The following R3HDM4 variants were observed in gnomAD, a reference collection of about 807,000 sequenced individuals.
R3HDM4 encodes R3H domain containing 4.
Under a neutral mutation model 31.3 loss-of-function variants are expected in R3HDM4, and 30 were observed. The observed-to-expected ratio is 0.96, with a 90% CI of 0.72 to 1.30. The LOEUF (loss-of-function observed/expected upper bound fraction) is 1.30. Among genes scored for constraint, R3HDM4 ranks in the 50% most tolerant of loss-of-function variants. The probability of loss-of-function intolerance (pLI) is 0.00; values close to 1 mark genes in which losing one functional copy is unlikely to be tolerated. For missense variants in R3HDM4, 444 were observed against 366.1 expected (o/e 1.21, Z -1.74); for synonymous variants, 196 against 156.6 (o/e 1.25, Z -1.88).
intron 1 of R3HDM4, among the ~76,000 whole-genome samples, chr19:905,165 G>C (rs1462813152): frequency 6.7e-6 from 1 of 150,236 alleles, no homozygotes; most frequent in African/African-American, 2.5e-5. Context: ...CCAAGATTGT[G>C]CCACTGCACT....
At position 900,110 on chromosome 19, in the gene R3HDM4, C is replaced by T. The variant is rs147694333; in HGVS notation, c.512G>A (p.Arg171His). The change falls in exon 5 of 8, where the codon CGC becomes CAC. Residue 171 changes from arginine to histidine, a missense_variant. Coordinates refer to ENST00000361574, the MANE Select transcript of R3HDM4 (RefSeq NM_138774.4). ...PAYTPRECFQ[R>H]ISRRLRAVLK... ...GACGGCTCGCAGACGCCGGCTGATG[C>T]GCTGGAAGCACTCGCGGGGTGTATA... 1.6e-5 allele frequency: 26 copies of T among 1,605,652 alleles called. No individual in the cohort carries two copies. The highest frequency in any genetic ancestry group is 2.2e-5 in the East Asian group (1 of 44,664).
chr19:898,620 A>G (rs2036776943), intron 7 of R3HDM4, among the ~76,000 whole-genome samples: 1 of 146,008 alleles, frequency 6.8e-6, no homozygotes, highest in Non-Finnish European at 1.5e-5. Flanking sequence ...CTAACCAACC[A>G]AAACAAAAAA....
chr19:900,392 G>C (rs1057217170), intron 4 of R3HDM4, among the ~76,000 whole-genome samples: 4 of 151,488 alleles, frequency 2.6e-5, no homozygotes, highest in Non-Finnish European at 5.9e-5. Flanking sequence ...CTAGACATGA[G>C]GCCCCACCCA....
At chr19:904,013 T>C (rs1206822129) in intron 1 of R3HDM4, among the ~76,000 whole-genome samples, 1 of 151,728 alleles carries the variant, frequency 6.6e-6, no homozygotes, top group Non-Finnish European at 1.5e-5. Context: ...ATCGTGCCAC[T>C]GCGCTCCAGC....
In R3HDM4 at chr19:897,210, AGTCCCG is replaced by A. The variant is rs530156946; in HGVS notation, c.*221_*226del. ...GGTCAGGTCTCCCCACCCAAACACA[AGTCCCG>A]GAGTGGGAAGCTTGGAGCTGGGATG... On this transcript the variant is annotated 3_prime_UTR_variant, in exon 8 of 8. Coordinates refer to ENST00000361574, the MANE Select transcript of R3HDM4 (RefSeq NM_138774.4). The A allele has an allele frequency of 1.4e-3, 696 of 484,718 alleles. 6 individuals are homozygous for A. The highest frequency in any genetic ancestry group is 0.012 in the African/African-American group (591 of 50,458). 30.0% of individuals were successfully genotyped at this position (484,718 alleles called of 1,614,324 possible). A position where few individuals can be genotyped will look rare whatever the true frequency, so the allele number is the denominator to read the frequency against.
At chr19:903,237 G>A (rs1392086904) in intron 1 of R3HDM4, among the ~76,000 whole-genome samples, 4 of 107,696 alleles carry the variant, frequency 3.7e-5, no homozygotes, top group South Asian at 6.3e-4. Context: ...AGCCCCCCCC[G>A]CAAACCCCCC....
intron 7 of R3HDM4, 52 bp from the exon 8 acceptor site, chr19:897,592 A>C: frequency 7.0e-7 from 1 of 1,438,446 alleles, no homozygotes; most frequent in Non-Finnish European, 9.6e-7. Context: ...GAGCCGCGGC[A>C]GGTAGAGGTG....
chr19:899,726 T>C lies in R3HDM4; in HGVS notation c.562-40A>G, dbSNP rs2036800344. On this transcript the variant is annotated intron_variant, in intron 5 of 7. Coordinates refer to ENST00000361574, the MANE Select transcript of R3HDM4 (RefSeq NM_138774.4). This position sits in a 1 kb window ranked among gnomAD's most constrained non-coding sequence, Gnocchi z 6.8. ...CCGGTGGTCAGGGAACTGCGGGACC[T>C]GTGGGTGGGGGGCCAGGGAGGTCCA... 7 of 1,481,126 alleles carry C rather than the reference T, an allele frequency of 4.7e-6. No homozygotes were observed. Among genetic ancestry groups the C allele is most frequent in the Admixed American group, 2.4e-5 (1 of 40,972 alleles). The allele number at this position is 1,481,126 out of a possible 1,614,324, so 91.7% of individuals were successfully genotyped here.
In R3HDM4 at chr19:902,143, G is replaced by T. The variant is rs777203812; in HGVS notation, c.72-13C>A. ...GCTGGGAAGGGGCCTGTGGGCCGGGGCAGGGGTGGTCCTCAGGGTCAAGGC... is the reference window on the plus strand; with the variant it reads ...GCTGGGAAGGGGCCTGTGGGCCGGGTCAGGGGTGGTCCTCAGGGTCAAGGC... On this transcript the variant is annotated splice_polypyrimidine_tract_variant and intron_variant, in intron 1 of 7. Transcript: ENST00000361574. 1 of 1,611,252 alleles carries T rather than the reference G, an allele frequency of 6.2e-7. No individual in the cohort carries two copies. Among genetic ancestry groups the T allele is most frequent in the African/African-American group, 1.3e-5 (1 of 75,058 alleles).
chr19:901,061 G>T, intron 3 of R3HDM4, 109 bp from the exon 4 acceptor site: 1 of 1,358,310 alleles, frequency 7.4e-7, no homozygotes, highest in Non-Finnish European at 9.9e-7. Flanking sequence ...GCGCTCCTGC[G>T]GTCACCTCTG....
At position 899,673 on chromosome 19, in the gene R3HDM4, G is replaced by T; in HGVS notation, c.575C>A (p.Thr192Asn). 1 of 1,594,568 alleles carries T rather than the reference G, an allele frequency of 6.3e-7. No homozygotes were observed. Among genetic ancestry groups the T allele is most frequent in the African/African-American group, 1.3e-5 (1 of 74,210 alleles). ...RSRIPMETLE[T>N]WEERLLRFFS... ...GAACCGAAGCAGCCGCTCCTCCCAG[G>T]TCTCCAGCGTTTCCTGGGGAGAGCG... The change falls in exon 6 of 8, where the codon ACC becomes AAC. Residue 192 changes from threonine to asparagine, a missense_variant. Thr to Asn is a moderately conservative substitution (Grantham distance 65). Coordinates refer to ENST00000361574, the MANE Select transcript of R3HDM4 (RefSeq NM_138774.4). The surrounding 1 kb of genome is among the most constrained non-coding windows in gnomAD (Gnocchi z 6.8).
chr19:905,036 G>A (rs148765420), intron 1 of R3HDM4, among the ~76,000 whole-genome samples: 11 of 151,420 alleles, frequency 7.3e-5, no homozygotes, highest in East Asian at 3.9e-4. Context: ...GTGAAACCCC[G>A]TCTCTACTAA....
rs886768371 is a variant in R3HDM4, at chr19:907,494, G to A, written c.72-5364C>T. Among the ~76,000 whole-genome samples, 1 of 152,150 alleles carries A rather than the reference G, an allele frequency of 6.6e-6. No homozygotes were observed. The highest frequency in any genetic ancestry group is 1.5e-5 in the Non-Finnish European group (1 of 68,018). ...ACAGCTCAAGCCCTCCCAGCAAGGG[G>A]CCTGGTATCACCCCATATTACAGAT... On this transcript the variant is annotated intron_variant, in intron 1 of 7. Coordinates refer to ENST00000361574, the MANE Select transcript of R3HDM4 (RefSeq NM_138774.4). This position sits in a 1 kb window ranked among gnomAD's most constrained non-coding sequence, Gnocchi z 4.1.
At chr19:903,412 G>A (rs1021592089) in intron 1 of R3HDM4, among the ~76,000 whole-genome samples, 2 of 152,128 alleles carry the variant, frequency 1.3e-5, no homozygotes, top group Non-Finnish European at 2.9e-5. Context: ...CACTCAGTGT[G>A]GGGGGAATAG....
chr19:906,814 G>GTTTTGTTTTA (rs2036911187), intron 1 of R3HDM4, among the ~76,000 whole-genome samples: 1 of 142,172 alleles, frequency 7.0e-6, no homozygotes. Context: ...GGGTTTTTTT[G>GTTTTGTTTTA]TTTTGTTTTG....
intron 2 of R3HDM4, 184 bp downstream of exon 2, chr19:901,792 A>G (rs949487017): frequency 1.1e-5 from 9 of 814,640 alleles, no homozygotes; most frequent in South Asian, 1.7e-5. Flanking sequence ...CCCTGATCCA[A>G]GAGTCCAGGG....
intron 7 of R3HDM4, among the ~76,000 whole-genome samples, chr19:898,066 G>A (rs188518387): frequency 1.2e-4 from 19 of 152,116 alleles, no homozygotes; most frequent in African/African-American, 4.3e-4. Context: ...TCAGGAGGTC[G>A]AGACCAGCCT....
At chr19:898,657 G>A (rs2062422) in intron 7 of R3HDM4, among the ~76,000 whole-genome samples, 33,631 of 150,700 alleles carry the variant, frequency 0.22, 3,878 homozygotes, top group South Asian at 0.26. Context: ...TGTGAGCTCC[G>A]CGCCTCAGCA....
chr19:901,111 A>T, intron 3 of R3HDM4, 159 bp from the exon 4 acceptor site: 1 of 957,194 alleles, frequency 1.0e-6, no homozygotes, highest in South Asian at 1.8e-5. Context: ...CCCTGAGCTG[A>T]GCGCAGGGAA....
Sources: gnomAD v4.1 joint callset for allele counts (sites outside exome capture counted in the v4.1 genomes callset) on GRCh38, gnomAD v4.1.1 for gene constraint, Gnocchi (gnomAD v3.1) non-coding constraint, MANE v1.5 for transcripts, NCBI Gene and HGNC (gene_info 2026-07-23, HGNC 2026-07-21) for gene names.